ARHGEF3: variants seen among roughly 807,000 people sequenced by gnomAD.
ARHGEF3 encodes Rho guanine nucleotide exchange factor 3, also known as 59.8 kDA protein.
Under a neutral mutation model 63.2 loss-of-function variants are expected in ARHGEF3, and 28 were observed. The observed-to-expected ratio is 0.44, with a 90% CI of 0.33 to 0.61. ARHGEF3 has a LOEUF of 0.61. Ranked by LOEUF, ARHGEF3 falls within the 20% of genes least tolerant of loss-of-function variation. ARHGEF3 has a pLI of 0.03. For synonymous variants in ARHGEF3, 266 were observed against 254.2 expected, an observed-to-expected ratio of 1.05 and a Z score of -0.44; for missense variants, 533 against 659.3, an observed-to-expected ratio of 0.81 and a Z score of 2.10.
chr3:56,778,810 A>G (rs2036407025), intron 1 of ARHGEF3, among the ~76,000 whole-genome samples: 1 of 152,188 alleles, frequency 6.6e-6, no homozygotes, highest in African/African-American at 2.4e-5. Context: ...GCTGGGGATT[A>G]CAGGGTTGAG....
chr3:56,743,435 T>A (rs1055115927), intron 7 of ARHGEF3, among the ~76,000 whole-genome samples: 1 of 152,194 alleles, frequency 6.6e-6, no homozygotes, highest in Non-Finnish European at 1.5e-5. Flanking sequence ...GAGTCTACAC[T>A]GACAGGGTTT....
chr3:56,895,623 C>T (rs866659664), intron 3 of ARHGEF3, among the ~76,000 whole-genome samples: 7 of 151,976 alleles, frequency 4.6e-5, no homozygotes, highest in African/African-American at 1.2e-4. Flanking sequence ...GCCATCACAC[C>T]GGGCTAATTT....
At chr3:56,883,302 CTTTTTTT>C (rs112313795) in intron 3 of ARHGEF3, among the ~76,000 whole-genome samples, 1 of 141,054 alleles carries the variant, frequency 7.1e-6, no homozygotes, top group African/African-American at 2.6e-5. Context: ...GTATGTTTTT[CTTTTTTT>C]TTTTTTTTGA....
chr3:56,890,244 T>C (rs2041076346), intron 3 of ARHGEF3, among the ~76,000 whole-genome samples: 1 of 152,168 alleles, frequency 6.6e-6, no homozygotes, highest in African/African-American at 2.4e-5. Context: ...TACTTCTCTA[T>C]TCCTTCATTC....
chr3:57,064,196 G>A (rs182185605), intron 1 of ARHGEF3, among the ~76,000 whole-genome samples: 14 of 152,322 alleles, frequency 9.2e-5, no homozygotes, highest in Admixed American at 9.1e-4. Context: ...TTGAGCCTGG[G>A]GGGTAGAGGT....
intron 4 of ARHGEF3, among the ~76,000 whole-genome samples, chr3:56,818,505 T>C (rs563569678): frequency 5.3e-5 from 8 of 152,194 alleles, no homozygotes; most frequent in Admixed American, 1.3e-4. Context: ...TAGATGCTGA[T>C]AGAACTGAAT....
chr3:56,853,328 T>G (rs1181354248), intron 4 of ARHGEF3, among the ~76,000 whole-genome samples: 2 of 152,132 alleles, frequency 1.3e-5, no homozygotes, highest in Non-Finnish European at 2.9e-5. Flanking sequence ...TGCTCAATTT[T>G]TATTTATTAT....
At chr3:56,779,257 T>TAC (rs2036430787) in intron 1 of ARHGEF3, among the ~76,000 whole-genome samples, 2 of 152,024 alleles carry the variant, frequency 1.3e-5, no homozygotes, top group Non-Finnish European at 2.9e-5. Flanking sequence ...CATTTTAATA[T>TAC]ATATATATGA....
chr3:56,942,016 TG>T (rs1699211873), intron 3 of ARHGEF3, among the ~76,000 whole-genome samples: 1 of 152,232 alleles, frequency 6.6e-6, no homozygotes, highest in South Asian at 2.1e-4. Flanking sequence ...GGGATGATTC[TG>T]GTAGAAGTTT....
Position 57,033,198 on chromosome 3 carries a change from AC to A in ARHGEF3, c.62+1889del, listed in dbSNP as rs1170609948. On this transcript the variant is annotated intron_variant, in intron 2 of 12. Coordinates refer to the ARHGEF3 transcript ENST00000338458. ...GGAGGATGAACTGGTGATGTTTCAG[AC>A]CTTACAGGCATACACAGGATGACCC... 2.6e-5 allele frequency among the ~76,000 whole-genome samples: 4 copies of A among 152,186 alleles called. No individual in the cohort carries two copies. In the East Asian group the frequency reaches 7.7e-4, roughly 29 times the overall value.
At chr3:56,735,177 G>A (rs540990036) in intron 8 of ARHGEF3, among the ~76,000 whole-genome samples, 7 of 152,218 alleles carry the variant, frequency 4.6e-5, no homozygotes, top group South Asian at 2.1e-4. Flanking sequence ...CCAGCTACTC[G>A]GGAAGCTGAG....
intron 1 of ARHGEF3, chr3:57,060,627 TGGGCC>T (rs1472519384): frequency 2.8e-4 from 43 of 152,416 alleles, no homozygotes; most frequent in African/African-American, 1.0e-3. Flanking sequence ...GGTCCCGGGC[TGGGCC>T]CATGTGACCC....
intron 2 of ARHGEF3, among the ~76,000 whole-genome samples, chr3:56,761,079 C>A (rs1176725828): frequency 6.6e-6 from 1 of 152,078 alleles, no homozygotes; most frequent in African/African-American, 2.4e-5. Flanking sequence ...TGAAACCAGC[C>A]TGGGCAATGT....
intron 4 of ARHGEF3, among the ~76,000 whole-genome samples, chr3:56,824,231 A>C (rs2038629761): frequency 6.6e-6 from 1 of 152,222 alleles, no homozygotes; most frequent in African/African-American, 2.4e-5. Context: ...TTTGCAAACC[A>C]CTGCAAAGAA....
intron 2 of ARHGEF3, among the ~76,000 whole-genome samples, chr3:57,010,079 C>T (rs1382745318): frequency 6.6e-6 from 1 of 152,176 alleles, no homozygotes; most frequent in East Asian, 1.9e-4. Context: ...CTCTTTTTAA[C>T]ATGCAGGCGC....
intron 1 of ARHGEF3, among the ~76,000 whole-genome samples, chr3:57,039,020 A>G (rs567647000): frequency 1.3e-5 from 2 of 152,342 alleles, no homozygotes; most frequent in South Asian, 4.1e-4. Context: ...CAAAGTTACA[A>G]AGATGAGATA....
chr3:56,779,726 A>C (rs1261837427), intron 1 of ARHGEF3, among the ~76,000 whole-genome samples: 1 of 152,242 alleles, frequency 6.6e-6, no homozygotes, highest in East Asian at 1.9e-4. Flanking sequence ...GAATTCCTAC[A>C]GATTTTCCCT....
chr3:56,850,175 T>C (rs1028096767), intron 4 of ARHGEF3, among the ~76,000 whole-genome samples: 5 of 152,340 alleles, frequency 3.3e-5, no homozygotes, highest in Non-Finnish European at 7.3e-5. Flanking sequence ...CTGGAATTTT[T>C]GAAAATATCA....
At chr3:57,004,361 GC>G (rs1417458552) in intron 2 of ARHGEF3, among the ~76,000 whole-genome samples, 2 of 152,222 alleles carry the variant, frequency 1.3e-5, no homozygotes, top group Non-Finnish European at 1.5e-5. Flanking sequence ...AAGGGAGACA[GC>G]AACACCCTCG....
Sources: allele counts gnomAD v4.1 joint callset (sites outside exome capture counted in the v4.1 genomes callset), GRCh38; gene constraint gnomAD v4.1.1; transcripts MANE v1.5; gene names NCBI Gene and HGNC (gene_info 2026-07-23, HGNC 2026-07-21).